The following MORC1 variants were observed in gnomAD, a reference collection of about 807,000 sequenced individuals.
MORC1 encodes the protein MORC family CW-type zinc finger protein 1.
Under a neutral mutation model 134.9 loss-of-function variants are expected in MORC1, and 59 were observed. That is an observed-to-expected ratio of 0.44 (90% CI 0.35 to 0.54). MORC1 has a LOEUF of 0.54. Among genes scored for constraint, MORC1 ranks in the 20% least tolerant of loss-of-function variants. The pLI is 0.00. For missense variants in MORC1, 947 were observed against 1,134.5 expected (o/e 0.83, Z 2.37); for synonymous variants, 395 against 391.7 (o/e 1.01, Z -0.10).
chr3:108,987,014 A>G, intron 21 of MORC1, 65 bp from the exon 22 acceptor site: 1 of 1,253,224 alleles, frequency 8.0e-7, no homozygotes, highest in Non-Finnish European at 1.1e-6. Context: ...ACTTGACAAA[A>G]GACCTTGAAA....
chr3:109,117,305 AGT>A, intron 1 of MORC1, among the ~76,000 whole-genome samples: 1 of 144,712 alleles, frequency 6.9e-6, no homozygotes. Context: ...TCCTATATTT[AGT>A]AAATCCAAAT....
At chr3:109,071,306 C>A (rs1022004095) in intron 8 of MORC1, among the ~76,000 whole-genome samples, 1 of 152,006 alleles carries the variant, frequency 6.6e-6, no homozygotes, top group African/African-American at 2.4e-5. Context: ...GAGATAAAAC[C>A]AGCTAAACAT....
intron 14 of MORC1, among the ~76,000 whole-genome samples, chr3:109,047,212 A>G (rs1298589464): frequency 1.3e-5 from 2 of 152,152 alleles, no homozygotes; most frequent in African/African-American, 4.8e-5. Flanking sequence ...TTGCAGTTTT[A>G]AATTCAGACT....
At chr3:109,102,098 T>C (rs932419134) in intron 4 of MORC1, among the ~76,000 whole-genome samples, 1 of 152,080 alleles carries the variant, frequency 6.6e-6, no homozygotes, top group Non-Finnish European at 1.5e-5. Flanking sequence ...GAGTATTAAG[T>C]GAAGAAAACA....
intron 2 of MORC1, 87 bp from the exon 3 acceptor site, chr3:109,110,870 C>T: frequency 7.2e-6 from 7 of 967,282 alleles, no homozygotes. Flanking sequence ...TCAAACAATA[C>T]AAAAATCCAC....
At position 109,087,550 on chromosome 3, in the gene MORC1, A is replaced by G. The variant is rs369121699; in HGVS notation, c.689+5886T>C. Among the ~76,000 whole-genome samples, 376 of 152,260 alleles carry G rather than the reference A, an allele frequency of 2.5e-3. 4 individuals are homozygous for G. In the South Asian group the frequency reaches 0.026, roughly 10 times the overall value. ...GAAAGATTTCCACAAGGAGAATTAC[A>G]AAACACTGCTCAAATAAATCAGAGA... On this transcript the variant is annotated intron_variant, in intron 8 of 27. Coordinates refer to ENST00000232603, the MANE Select transcript of MORC1 (RefSeq NM_014429.4).
intron 25 of MORC1, among the ~76,000 whole-genome samples, chr3:108,970,226 G>A (rs778403455): frequency 1.3e-5 from 2 of 151,892 alleles, no homozygotes; most frequent in Non-Finnish European, 1.5e-5. Flanking sequence ...TTGAGAAACC[G>A]TGTACAACAG....
At chr3:109,062,926 T>C (rs1369679310) in intron 10 of MORC1, among the ~76,000 whole-genome samples, 1 of 152,130 alleles carries the variant, frequency 6.6e-6, no homozygotes, top group Non-Finnish European at 1.5e-5. Context: ...CAATCTAGTT[T>C]GAAGTGTGTT....
chr3:109,092,634 T>C (rs1304419080), intron 8 of MORC1, among the ~76,000 whole-genome samples: 1 of 152,210 alleles, frequency 6.6e-6, no homozygotes, highest in Non-Finnish European at 1.5e-5. Flanking sequence ...ATTTTAGATA[T>C]ATTGGATTAA....
chr3:109,016,563 T>C (rs1409549012), intron 17 of MORC1, among the ~76,000 whole-genome samples: 1 of 152,172 alleles, frequency 6.6e-6, no homozygotes, highest in Non-Finnish European at 1.5e-5. Flanking sequence ...CTGGACTCTC[T>C]ACATGAAAAA....
intron 4 of MORC1, among the ~76,000 whole-genome samples, chr3:109,102,282 G>A (rs1216869560): frequency 6.6e-6 from 1 of 152,000 alleles, no homozygotes; most frequent in East Asian, 1.9e-4. Flanking sequence ...AGGCCAAAGA[G>A]GTGCATAGGG....
intron 8 of MORC1, among the ~76,000 whole-genome samples, chr3:109,081,966 C>A (rs1362719504): frequency 2.0e-5 from 3 of 152,054 alleles, no homozygotes; most frequent in Non-Finnish European, 4.4e-5. Context: ...GGAGAAACGT[C>A]CTTGAGGACA....
chr3:109,000,494 A>AT, intron 21 of MORC1, 63 bp downstream of exon 21: 1 of 1,214,776 alleles, frequency 8.2e-7, no homozygotes, highest in African/African-American at 1.5e-5. Context: ...ACACTAACAG[A>AT]TCCCTCTAAT....
chr3:109,022,148 T>G (rs1258130950), intron 17 of MORC1, among the ~76,000 whole-genome samples: 1 of 152,198 alleles, frequency 6.6e-6, no homozygotes, highest in Non-Finnish European at 1.5e-5. Flanking sequence ...GGCCTTTAGG[T>G]GTCACAAATT....
chr3:109,031,858 T>C (rs753300643), intron 16 of MORC1, among the ~76,000 whole-genome samples: 2 of 152,070 alleles, frequency 1.3e-5, no homozygotes, highest in African/African-American at 2.4e-5. Flanking sequence ...CAAGGTTGCA[T>C]TGCAAAACAA....
rs1441092190 is a variant in MORC1, at chr3:109,093,495, T to C, written c.630A>G (p.Glu210=). ...TGTCAGTTTTAACATCCAACTCTGG[T>C]TCTCCATTAAGCAGAAGCTTCAAGT... ...IYNLKLLLNG[E]PELDVKTDKE... Residue 210 remains glutamate, a synonymous_variant, in exon 8 of 28, where the codon GAA becomes GAG. Transcript: ENST00000232603. 1.2e-6 allele frequency: 2 copies of C among 1,613,762 alleles called. No individual in the cohort carries two copies. The highest frequency in any genetic ancestry group is 1.7e-6 in the Non-Finnish European group (2 of 1,179,842).
At chr3:109,057,617 G>T in intron 12 of MORC1, 131 bp from the exon 13 acceptor site, 1 of 684,462 alleles carries the variant, frequency 1.5e-6, no homozygotes, top group Non-Finnish European at 2.2e-6. Flanking sequence ...AAACCTGGTA[G>T]GCACACTCAG....
At chr3:109,094,575 C>T (rs769368601) in intron 7 of MORC1, among the ~76,000 whole-genome samples, 2 of 152,134 alleles carry the variant, frequency 1.3e-5, no homozygotes, top group South Asian at 4.1e-4. Flanking sequence ...CCTGTTATCA[C>T]TCTATCTCAA....
chr3:109,082,804 T>C (rs1950547500), intron 8 of MORC1, among the ~76,000 whole-genome samples: 1 of 151,482 alleles, frequency 6.6e-6, no homozygotes, highest in Non-Finnish European at 1.5e-5. Flanking sequence ...GAAAGACCAA[T>C]CTAAGAATTA....
Sources: allele counts gnomAD v4.1 joint callset (sites outside exome capture counted in the v4.1 genomes callset), GRCh38; gene constraint gnomAD v4.1.1; transcripts MANE v1.5; gene names NCBI Gene and HGNC (gene_info 2026-07-23, HGNC 2026-07-21).